PCSK5: variants seen among roughly 807,000 people sequenced by gnomAD.
PCSK5 encodes prohormone convertase 5.
In PCSK5, 129 loss-of-function variants were observed where a neutral mutation model predicts 233.2. The observed-to-expected ratio is 0.55, with a 90% CI of 0.48 to 0.64. PCSK5 has a LOEUF of 0.64. PCSK5 is among the 30% of genes least tolerant of loss of function. PCSK5 has a pLI of 0.00. For synonymous variants in PCSK5, 825 were observed against 879.2 expected (o/e 0.94, Z 1.09); for missense variants, 2,076 against 2,430.1 (o/e 0.85, Z 3.06).
intron 20 of PCSK5, among the ~76,000 whole-genome samples, chr9:76,213,236 A>C (rs542227989): frequency 6.6e-6 from 1 of 152,214 alleles, no homozygotes; most frequent in Non-Finnish European, 1.5e-5. Flanking sequence ...CCCATGTATA[A>C]AATTTCATGG....
chr9:76,128,949 ATAC>A (rs1053471169), intron 9 of PCSK5, among the ~76,000 whole-genome samples: 1 of 152,196 alleles, frequency 6.6e-6, no homozygotes. Flanking sequence ...CCAGTGGCAG[ATAC>A]TCCTGCTCGC....
Position 76,239,140 on chromosome 9 carries a change from A to T in PCSK5, c.3048A>T (p.Thr1016=), listed in dbSNP as rs1326720817. ...ACTTCATAGCGCCCACCAACCACAC[A>T]TGCCAGAAGTTAGAGTGTGGACAAG... ...KGYFIAPTNH[T]CQKLECGQGE... The change falls in exon 23 of 38, where the codon ACA becomes ACT. Residue 1016 remains threonine, a synonymous_variant. Transcript: ENST00000674117. The T allele has an allele frequency of 1.3e-6, 2 of 1,590,698 alleles. No homozygotes were observed. The highest frequency in any genetic ancestry group is 2.7e-5 in the African/African-American group (2 of 74,460).
chr9:76,148,537 CTA>C (rs1349475310), intron 10 of PCSK5, among the ~76,000 whole-genome samples: 1 of 152,124 alleles, frequency 6.6e-6, no homozygotes. Context: ...AAGGCCCTCT[CTA>C]TGTCATTTAC....
At chr9:75,967,705 T>G (rs1265791597) in intron 2 of PCSK5, among the ~76,000 whole-genome samples, 5 of 152,084 alleles carry the variant, frequency 3.3e-5, no homozygotes, top group Non-Finnish European at 7.4e-5. Flanking sequence ...TAAAGACATG[T>G]CATTTGGTAT....
intron 23 of PCSK5, 74 bp downstream of exon 23, chr9:76,239,239 C>A: frequency 8.2e-7 from 1 of 1,212,512 alleles, no homozygotes; most frequent in Non-Finnish European, 1.2e-6. Flanking sequence ...GTCCTGGAGA[C>A]TTGAATTGCC....
rs770003055 is a variant in PCSK5 at position 76,292,278 on chromosome 9, A to G, written c.3185+3A>G. 9.0e-6 allele frequency: 14 copies of G among 1,555,398 alleles called. No homozygotes were observed. The highest frequency in any genetic ancestry group is 1.2e-5 in the Non-Finnish European group (14 of 1,128,032). On this transcript the variant is annotated splice_donor_region_variant and intron_variant, in intron 25 of 37. Coordinates refer to ENST00000674117, the MANE Select transcript of PCSK5 (RefSeq NM_001372043.1). Reference sequence around the variant, plus strand: ...TCTTGCGCTATGGGGTATTACAGGTAAGTCTGGTCTTCCTTTTCATGGCAC... The same window carrying G: ...TCTTGCGCTATGGGGTATTACAGGTGAGTCTGGTCTTCCTTTTCATGGCAC...
intron 5 of PCSK5, among the ~76,000 whole-genome samples, chr9:76,045,902 C>G (rs568087231): frequency 6.6e-6 from 1 of 152,130 alleles, no homozygotes; most frequent in African/African-American, 2.4e-5. Flanking sequence ...TTGGCAAATT[C>G]TCACTTCTGA....
At chr9:76,142,496 C>G (rs1823267643) in intron 10 of PCSK5, among the ~76,000 whole-genome samples, 2 of 152,174 alleles carry the variant, frequency 1.3e-5, no homozygotes, top group South Asian at 4.1e-4. Context: ...GGAGGCCATC[C>G]TAGCTGGGGT....
At chr9:76,093,080 C>CT (rs71372045) in intron 7 of PCSK5, among the ~76,000 whole-genome samples, 5,738 of 85,604 alleles carry the variant, frequency 0.067, 168 homozygotes, top group East Asian at 0.12. Flanking sequence ...TTGTCTTTCC[C>CT]TTTTTTTTTT....
intron 24 of PCSK5, among the ~76,000 whole-genome samples, chr9:76,252,882 T>C (rs1397005802): frequency 6.6e-6 from 1 of 152,198 alleles, no homozygotes; most frequent in African/African-American, 2.4e-5. Flanking sequence ...TTGCAGCAGA[T>C]ATGCAAGGTT....
chr9:75,953,069 TTTTGAC>T (rs1824938332), intron 2 of PCSK5, among the ~76,000 whole-genome samples: 1 of 152,188 alleles, frequency 6.6e-6, no homozygotes, highest in South Asian at 2.1e-4. Context: ...ACATTGTGTA[TTTTGAC>T]TTTGGGAACC....
intron 22 of PCSK5, among the ~76,000 whole-genome samples, chr9:76,236,558 A>G (rs1678257263): frequency 6.6e-6 from 1 of 152,202 alleles, no homozygotes; most frequent in African/African-American, 2.4e-5. Context: ...AAGTAGCCAA[A>G]AATTTATGCA....
chr9:75,938,707 A>G (rs759419179), intron 2 of PCSK5, among the ~76,000 whole-genome samples: 3 of 152,176 alleles, frequency 2.0e-5, no homozygotes, highest in Non-Finnish European at 2.9e-5. Context: ...ATACTTAGAG[A>G]CTGCAAATTT....
At chr9:76,022,118 G>A (rs1417335591) in intron 3 of PCSK5, among the ~76,000 whole-genome samples, 1 of 152,172 alleles carries the variant, frequency 6.6e-6, no homozygotes, top group Non-Finnish European at 1.5e-5. Context: ...GGTGTACTCA[G>A]ATCCCTCAGC....
At chr9:76,177,916 C>T (rs1186294629) in intron 14 of PCSK5, among the ~76,000 whole-genome samples, 3 of 151,398 alleles carry the variant, frequency 2.0e-5, no homozygotes, top group Non-Finnish European at 4.4e-5. Context: ...ACAGTGAGAG[C>T]CCTTTTGGCA....
At chr9:76,330,658 C>T (rs1232739677) in intron 33 of PCSK5, among the ~76,000 whole-genome samples, 4 of 152,098 alleles carry the variant, frequency 2.6e-5, no homozygotes, top group Non-Finnish European at 5.9e-5. Context: ...TAAAGACATG[C>T]ATGGCAAGCT....
At chr9:76,271,927 G>A (rs1196422901) in intron 24 of PCSK5, among the ~76,000 whole-genome samples, 1 of 152,104 alleles carries the variant, frequency 6.6e-6, no homozygotes, top group Non-Finnish European at 1.5e-5. Flanking sequence ...CTGTGTGTCT[G>A]TGTCTTCATG....
intron 24 of PCSK5, among the ~76,000 whole-genome samples, chr9:76,252,694 G>A (rs1294663567): frequency 6.6e-6 from 1 of 152,186 alleles, no homozygotes; most frequent in Non-Finnish European, 1.5e-5. Flanking sequence ...GTGATTGGCA[G>A]AAGACACCCT....
chr9:75,975,180 C>T lies in PCSK5; in HGVS notation c.298-10952C>T, dbSNP rs140002901. Among the ~76,000 whole-genome samples, 58 of 152,118 alleles carry T rather than the reference C, an allele frequency of 3.8e-4. No individual in the cohort carries two copies. In the East Asian group the frequency reaches 8.5e-3, roughly 22 times the overall value. On this transcript the variant is annotated intron_variant, in intron 2 of 37. Coordinates refer to ENST00000674117, the MANE Select transcript of PCSK5 (RefSeq NM_001372043.1). ...TGAACTTACAGGCTCAAACCATTCC[C>T]CCTCCCTGAGTTTTCCCACTGTGAT...
Sources: allele counts gnomAD v4.1 joint callset (sites outside exome capture counted in the v4.1 genomes callset), GRCh38; gene constraint gnomAD v4.1.1; transcripts MANE v1.5; gene names NCBI Gene and HGNC (gene_info 2026-07-23, HGNC 2026-07-21).